The following TENM3 variants were observed in gnomAD, a reference collection of about 807,000 sequenced individuals.
TENM3 encodes teneurin transmembrane protein 3, also known as teneurin-3.
TENM3 carries 63 observed loss-of-function variants against 255.1 expected under a neutral mutation model. That is an observed-to-expected ratio of 0.25 (90% CI 0.20 to 0.30). The LOEUF (loss-of-function observed/expected upper bound fraction) is 0.30, where lower values mean the gene tolerates loss of function less well. Ranked by LOEUF, TENM3 falls within the 10% of genes least tolerant of loss-of-function variation. The pLI, the probability that TENM3 is intolerant of heterozygous loss-of-function variation, is 1.00. For missense variants in TENM3, 2,929 were observed against 3,461.1 expected, an observed-to-expected ratio of 0.85 and a Z score of 3.86; for synonymous variants, 1,306 against 1,322.3, an observed-to-expected ratio of 0.99 and a Z score of 0.27.
At chr4:181,794,197 T>A in the TENM3 span, among the ~76,000 whole-genome samples, 2 of 152,108 alleles carry the variant, frequency 1.3e-5, no homozygotes, top group South Asian at 4.1e-4. Context: ...AATATATATA[T>A]ATACACACTG....
chr4:182,773,413 TAA>T, intron 22 of TENM3, 57 bp from the exon 23 acceptor site: 2 of 1,446,994 alleles, frequency 1.4e-6, no homozygotes, highest in African/African-American at 1.4e-5. Context: ...ATTATATTTA[TAA>T]GTCAGAAGAA....
At chr4:181,872,352 A>C in the TENM3 span, among the ~76,000 whole-genome samples, 1 of 122,320 alleles carries the variant, frequency 8.2e-6, no homozygotes. Context: ...TCAGGGGTAC[A>C]TGTGCAGGTT....
intron 1 of TENM3, among the ~76,000 whole-genome samples, chr4:182,304,413 C>T (rs956545150): frequency 2.6e-5 from 4 of 151,998 alleles, no homozygotes; most frequent in Non-Finnish European, 5.9e-5. Context: ...GGGGTTTCAC[C>T]GTGTTAGCCG....
chr4:182,367,461 G>A (rs1231503295), intron 3 of TENM3, among the ~76,000 whole-genome samples: 1 of 152,170 alleles, frequency 6.6e-6, no homozygotes, highest in African/African-American at 2.4e-5. Context: ...ACTATATTAC[G>A]ATGAGCTTGG....
At chr4:181,945,199 G>A in the TENM3 span, among the ~76,000 whole-genome samples, 2 of 152,054 alleles carry the variant, frequency 1.3e-5, no homozygotes, top group East Asian at 2.0e-4. Flanking sequence ...AACTACAGAC[G>A]GCAGCAACTT....
At chr4:182,743,971 G>C (rs1002344113) in intron 19 of TENM3, among the ~76,000 whole-genome samples, 1 of 151,814 alleles carries the variant, frequency 6.6e-6, no homozygotes, top group East Asian at 1.9e-4. Context: ...TATTTGGTAA[G>C]CCCTAGACTA....
At chr4:181,732,835 A>G in the TENM3 span, among the ~76,000 whole-genome samples, 1 of 152,194 alleles carries the variant, frequency 6.6e-6, no homozygotes, top group East Asian at 1.9e-4. Flanking sequence ...GAACACATGG[A>G]GCATTTTAAG....
At chr4:181,937,948 C>T in the TENM3 span, among the ~76,000 whole-genome samples, 1 of 152,178 alleles carries the variant, frequency 6.6e-6, no homozygotes, top group African/African-American at 2.4e-5. Flanking sequence ...TTAGCTCCTC[C>T]CTTTTCCATC....
chr4:182,394,961 T>C (rs1032534604), intron 3 of TENM3, among the ~76,000 whole-genome samples: 3 of 152,212 alleles, frequency 2.0e-5, no homozygotes, highest in African/African-American at 7.2e-5. Flanking sequence ...CTTGTTACTT[T>C]GCTATATCCC....
At chr4:181,682,126 G>A in the TENM3 span, among the ~76,000 whole-genome samples, 2 of 152,140 alleles carry the variant, frequency 1.3e-5, no homozygotes, top group African/African-American at 2.4e-5. Flanking sequence ...CCCAAGTGGA[G>A]CACAATATAA....
intron 1 of TENM3, among the ~76,000 whole-genome samples, chr4:182,320,249 C>G (rs1762969685): frequency 6.6e-6 from 1 of 152,220 alleles, no homozygotes; most frequent in South Asian, 2.1e-4. Context: ...TTTCCTGTGG[C>G]TGCAGTGAGA....
chr4:182,681,629 G>T (rs1367902805), intron 10 of TENM3, among the ~76,000 whole-genome samples, 185 bp from the exon 11 acceptor site: 5 of 152,158 alleles, frequency 3.3e-5, no homozygotes, highest in Non-Finnish European at 5.9e-5. Context: ...ATGGCATTAG[G>T]CTGGATCTTA....
the TENM3 span, among the ~76,000 whole-genome samples, chr4:181,898,948 G>A: frequency 1.3e-5 from 2 of 151,962 alleles, no homozygotes; most frequent in Non-Finnish European, 2.9e-5. Flanking sequence ...TAAATTATAA[G>A]GTAGTCTTTA....
chr4:181,865,503 A>G, the TENM3 span, among the ~76,000 whole-genome samples: 1 of 152,010 alleles, frequency 6.6e-6, no homozygotes, highest in Non-Finnish European at 1.5e-5. Context: ...TTGACCCCGA[A>G]TCCTCTTAGT....
the TENM3 span, among the ~76,000 whole-genome samples, chr4:181,983,838 G>A: frequency 1.8e-3 from 270 of 152,042 alleles, no homozygotes; most frequent in Middle Eastern, 3.4e-3. Flanking sequence ...TACTGAACTC[G>A]TCTCAAAAAT....
At chr4:181,589,924 G>A in the TENM3 span, among the ~76,000 whole-genome samples, 42 of 152,114 alleles carry the variant, frequency 2.8e-4, no homozygotes, top group Non-Finnish European at 5.0e-4. Context: ...CTGCTTTTAC[G>A]AAACAGAAGG....
At chr4:181,639,899 C>A in the TENM3 span, among the ~76,000 whole-genome samples, 2 of 152,168 alleles carry the variant, frequency 1.3e-5, no homozygotes, top group Non-Finnish European at 2.9e-5. Flanking sequence ...ACAGCCCCTG[C>A]GTGTGTGGGC....
intron 1 of TENM3, among the ~76,000 whole-genome samples, chr4:182,303,922 A>G (rs1761987063): frequency 6.6e-6 from 1 of 152,176 alleles, no homozygotes; most frequent in African/African-American, 2.4e-5. Context: ...TTGTTTTTAT[A>G]TTGCGAGATT....
chr4:181,503,571 C>T, the TENM3 span, among the ~76,000 whole-genome samples: 111 of 152,180 alleles, frequency 7.3e-4, no homozygotes, highest in Admixed American at 1.4e-3. Context: ...CATCATGTAT[C>T]GGGGAACTTT....
Sources: allele counts gnomAD v4.1 joint callset (sites outside exome capture counted in the v4.1 genomes callset), GRCh38; gene constraint gnomAD v4.1.1; transcripts MANE v1.5; gene names NCBI Gene and HGNC (gene_info 2026-07-23, HGNC 2026-07-21).